The following LRRC4C variants were observed in gnomAD, a reference collection of about 807,000 sequenced individuals.
LRRC4C encodes the protein leucine-rich repeat-containing protein 4C.
Under a neutral mutation model 33.6 loss-of-function variants are expected in LRRC4C, and 5 were observed. That is an observed-to-expected ratio of 0.15 (90% CI 0.08 to 0.31). LRRC4C has a LOEUF of 0.31. Among genes scored for constraint, LRRC4C ranks in the 10% least tolerant of loss-of-function variants. The pLI is 1.00. For synonymous variants in LRRC4C, 329 were observed against 302.0 expected (o/e 1.09, Z -0.93); for missense variants, 560 against 796.7 (o/e 0.70, Z 3.58).
chr11:40,482,795 T>C (rs1953654619), intron 3 of LRRC4C, among the ~76,000 whole-genome samples: 3 of 152,042 alleles, frequency 2.0e-5, no homozygotes, highest in Non-Finnish European at 2.9e-5. Flanking sequence ...GAGCTAAGAA[T>C]ACAAAGAACC....
chr11:41,356,600 C>T (rs1384115971), intron 1 of LRRC4C, among the ~76,000 whole-genome samples: 5 of 152,104 alleles, frequency 3.3e-5, no homozygotes, highest in Non-Finnish European at 7.4e-5. Flanking sequence ...TTTGGCATGA[C>T]TTTAATCCTC....
chr11:41,130,934 A>G (rs903888203), intron 1 of LRRC4C, among the ~76,000 whole-genome samples: 2 of 152,080 alleles, frequency 1.3e-5, no homozygotes, highest in African/African-American at 2.4e-5. Flanking sequence ...TTGCATTTAT[A>G]GAAGAGAAAA....
intron 1 of LRRC4C, among the ~76,000 whole-genome samples, chr11:41,075,935 G>A (rs1020404206): frequency 6.6e-5 from 10 of 151,280 alleles, no homozygotes; most frequent in African/African-American, 2.4e-4. Context: ...TTCTTTACAT[G>A]GCTTCAGGAA....
intron 1 of LRRC4C, among the ~76,000 whole-genome samples, chr11:41,197,696 A>C (rs1946238774): frequency 6.6e-6 from 1 of 151,956 alleles, no homozygotes; most frequent in East Asian, 1.9e-4. Context: ...TCAGATATTC[A>C]TTATTCTCCT....
At chr11:40,611,997 A>G (rs1320476479) in intron 3 of LRRC4C, among the ~76,000 whole-genome samples, 1 of 151,826 alleles carries the variant, frequency 6.6e-6, no homozygotes, top group East Asian at 1.9e-4. Context: ...TCAAAATACT[A>G]AAAATAAAAC....
chr11:40,227,217 T>C (rs1864864974), intron 5 of LRRC4C, among the ~76,000 whole-genome samples: 1 of 152,170 alleles, frequency 6.6e-6, no homozygotes, highest in Non-Finnish European at 1.5e-5. Flanking sequence ...TCAAATGAAG[T>C]TGGTGTTAAA....
intron 1 of LRRC4C, among the ~76,000 whole-genome samples, chr11:41,278,739 T>C (rs1949560738): frequency 6.6e-6 from 1 of 152,234 alleles, no homozygotes; most frequent in Non-Finnish European, 1.5e-5. Flanking sequence ...CCAGATTCTC[T>C]TACCAACAGT....
chr11:41,144,599 T>C lies in LRRC4C; in HGVS notation c.-495-210876A>G, dbSNP rs1261976393. 3.3e-5 allele frequency among the ~76,000 whole-genome samples: 5 copies of C among 152,162 alleles called. No homozygotes were observed. In the East Asian group the frequency reaches 7.7e-4, roughly 23 times the overall value. Reference sequence around the variant, plus strand: ...TTAATGCATGCTCATTGTATACATATGGGGTTTTATGATACATATTAATGC... The same window carrying C: ...TTAATGCATGCTCATTGTATACATACGGGGTTTTATGATACATATTAATGC... On this transcript the variant is annotated intron_variant, in intron 1 of 6. Coordinates refer to ENST00000528697, the MANE Select transcript of LRRC4C (RefSeq NM_001258419.2).
chr11:41,152,099 T>C (rs1944024515), intron 1 of LRRC4C, among the ~76,000 whole-genome samples: 1 of 152,190 alleles, frequency 6.6e-6, no homozygotes, highest in Non-Finnish European at 1.5e-5. Context: ...CTCTTTCACA[T>C]GAGGTTATAT....
chr11:40,334,882 G>A (rs893301145), intron 3 of LRRC4C, among the ~76,000 whole-genome samples: 4 of 152,058 alleles, frequency 2.6e-5, no homozygotes, highest in African/African-American at 7.2e-5. Flanking sequence ...GGATAACAGC[G>A]ATCTGGCCAC....
intron 1 of LRRC4C, among the ~76,000 whole-genome samples, chr11:41,455,222 G>A (rs1449043206): frequency 6.6e-6 from 1 of 151,990 alleles, no homozygotes; most frequent in Non-Finnish European, 1.5e-5. Context: ...TAATTCCCAA[G>A]TGTAACTCAA....
rs77949990 is a variant in LRRC4C at position 40,514,898 on chromosome 11, G to A, written c.-270+133244C>T. Among the ~76,000 whole-genome samples the A allele has an allele frequency of 6.7e-3, 1,027 of 152,204 alleles. 17 individuals are homozygous for A. Among genetic ancestry groups the A allele is most frequent in the African/African-American group, 0.024 (984 of 41,558 alleles). On this transcript the variant is annotated intron_variant, in intron 3 of 6. Transcript: ENST00000528697. ...ATCAAACCAATTTAATTCTTGACAT[G>A]GGACTAGAGTTTTATAAACCTACCT...
chr11:41,057,975 A>G (rs1858756121), intron 1 of LRRC4C, among the ~76,000 whole-genome samples: 2 of 152,164 alleles, frequency 1.3e-5, no homozygotes, highest in South Asian at 4.1e-4. Context: ...TCTATCACTC[A>G]GTAAGGCTCC....
chr11:40,764,105 C>A (rs1949345797), intron 2 of LRRC4C, among the ~76,000 whole-genome samples: 1 of 152,134 alleles, frequency 6.6e-6, no homozygotes, highest in Non-Finnish European at 1.5e-5. Context: ...CTTTGTCTTG[C>A]AACTTGAATA....
At chr11:40,542,083 CTCTT>C (rs906574469) in intron 3 of LRRC4C, among the ~76,000 whole-genome samples, 2 of 142,024 alleles carry the variant, frequency 1.4e-5, no homozygotes, top group African/African-American at 5.0e-5. Context: ...TCTTTTCTTT[CTCTT>C]TCTTTTTCTC....
chr11:40,947,076 G>T (rs950512706), intron 1 of LRRC4C, among the ~76,000 whole-genome samples: 2 of 152,052 alleles, frequency 1.3e-5, no homozygotes, highest in African/African-American at 2.4e-5. Context: ...ATCAGAGAAA[G>T]TTCCTTATCA....
intron 1 of LRRC4C, among the ~76,000 whole-genome samples, chr11:40,985,914 A>T (rs930676019): frequency 4.6e-5 from 7 of 152,138 alleles, no homozygotes; most frequent in Non-Finnish European, 8.8e-5. Flanking sequence ...GTAAAACAGC[A>T]TGATAAATTT....
intron 2 of LRRC4C, among the ~76,000 whole-genome samples, chr11:40,768,817 G>A (rs1236645663): frequency 1.3e-5 from 2 of 151,840 alleles, no homozygotes; most frequent in African/African-American, 4.8e-5. Flanking sequence ...TTAAAAGACT[G>A]GAAATGGAAC....
At chr11:40,878,694 T>A (rs1955032197) in intron 2 of LRRC4C, among the ~76,000 whole-genome samples, 3 of 152,202 alleles carry the variant, frequency 2.0e-5, no homozygotes, top group Admixed American at 1.3e-4. Flanking sequence ...ACTTAACTTA[T>A]GACTTAACAT....
Sources: allele counts gnomAD v4.1 joint callset (sites outside exome capture counted in the v4.1 genomes callset), GRCh38; gene constraint gnomAD v4.1.1; transcripts MANE v1.5; gene names NCBI Gene and HGNC (gene_info 2026-07-23, HGNC 2026-07-21).